Variants in UST observed in about 807,000 individuals in gnomAD.
UST encodes the protein uronyl 2-sulfotransferase.
UST carries 21 observed loss-of-function variants against 45.6 expected under a neutral mutation model. That is an observed-to-expected ratio of 0.46 (90% confidence interval 0.33 to 0.66). The LOEUF (loss-of-function observed/expected upper bound fraction) is 0.66. Among genes scored for constraint, UST ranks in the 30% least tolerant of loss-of-function variants. UST has a pLI of 0.02. For missense variants in UST, 463 were observed against 512.4 expected (o/e 0.90, Z 0.93); for synonymous variants, 215 against 200.6 (o/e 1.07, Z -0.61).
intron 1 of UST, among the ~76,000 whole-genome samples, chr6:148,774,975 G>A (rs1402060196): frequency 1.3e-5 from 2 of 151,854 alleles, no homozygotes; most frequent in East Asian, 1.9e-4. Flanking sequence ...CCGAGATTAC[G>A]CCACTACACT....
chr6:149,005,284 C>T (rs1442881599), intron 5 of UST: 5 of 985,326 alleles, frequency 5.1e-6, no homozygotes, highest in African/African-American at 1.7e-5. Flanking sequence ...CTCCTTACAT[C>T]CCTCTCTTCT....
At chr6:149,056,117 C>CTTTTCTTTTTTTTTTTTT (rs1562341621) in intron 7 of UST, among the ~76,000 whole-genome samples, 4 of 81,090 alleles carry the variant, frequency 4.9e-5, no homozygotes, top group Non-Finnish European at 9.3e-5. Context: ...CTTTTCTTTT[C>CTTTTCTTTTTTTTTTTTT]TTTTTTTTTT....
chr6:149,048,715 A>G (rs1301463614), intron 7 of UST, among the ~76,000 whole-genome samples: 1 of 152,262 alleles, frequency 6.6e-6, no homozygotes, highest in Non-Finnish European at 1.5e-5. Context: ...CTAACAGAAA[A>G]CAATGGAGAA....
intron 2 of UST, among the ~76,000 whole-genome samples, chr6:148,913,444 T>TTTTTG: frequency 6.7e-6 from 1 of 149,022 alleles, no homozygotes; most frequent in Non-Finnish European, 1.5e-5. Flanking sequence ...TTTTTTTTTT[T>TTTTTG]TTTTGAGGAT....
intron 5 of UST, among the ~76,000 whole-genome samples, chr6:149,012,014 T>C (rs1775820033): frequency 6.6e-6 from 1 of 152,204 alleles, no homozygotes; most frequent in South Asian, 2.1e-4. Context: ...AGAAGTAGTG[T>C]AAAGGACCAG....
Position 148,781,655 on chromosome 6 carries a change from A to G in UST, c.247+33978A>G, listed in dbSNP as rs572712207. 3.3e-5 allele frequency among the ~76,000 whole-genome samples: 5 copies of G among 152,330 alleles called. No individual in the cohort carries two copies. The South Asian group carries it at 1.0e-3, about 32-fold the overall frequency. ...CAGCTTTCTATAGGAAGAAGATGCC[A>G]TCTAGGACTCTAGTTACAGAGGAGA... is the stretch of plus-strand genomic sequence containing the variant. On this transcript the variant is annotated intron_variant, in intron 1 of 7. Transcript: ENST00000367463.
chr6:148,761,362 T>C (rs1776215154), intron 1 of UST, among the ~76,000 whole-genome samples: 2 of 152,200 alleles, frequency 1.3e-5, no homozygotes, highest in Admixed American at 6.5e-5. Flanking sequence ...GAGAAGGAAC[T>C]GCTGTGGTGC....
At chr6:148,863,922 G>A (rs1269390966) in intron 1 of UST, among the ~76,000 whole-genome samples, 1 of 152,314 alleles carries the variant, frequency 6.6e-6, no homozygotes, top group Non-Finnish European at 1.5e-5. Context: ...CTACTGGGAG[G>A]TGTCTCCCAG....
chr6:149,044,667 G>C (rs370461305), intron 7 of UST, among the ~76,000 whole-genome samples: 1 of 152,198 alleles, frequency 6.6e-6, no homozygotes, highest in African/African-American at 2.4e-5. Flanking sequence ...AATGGCGTCT[G>C]CTGCATGCCT....
At chr6:148,902,884 T>C (rs920114033) in intron 2 of UST, among the ~76,000 whole-genome samples, 1 of 152,192 alleles carries the variant, frequency 6.6e-6, no homozygotes, top group Non-Finnish European at 1.5e-5. Flanking sequence ...ATATGTTTCA[T>C]TTACAAGAGC....
At chr6:149,002,065 CTCAG>C (rs1304119277) in intron 5 of UST, among the ~76,000 whole-genome samples, 1 of 151,956 alleles carries the variant, frequency 6.6e-6, no homozygotes, top group Non-Finnish European at 1.5e-5. Flanking sequence ...CTCAGACTCT[CTCAG>C]TAATGAAAGT....
At chr6:148,941,182 T>G (rs191554925) in intron 2 of UST, 97 bp from the exon 3 acceptor site, 2 of 1,447,314 alleles carry the variant, frequency 1.4e-6, no homozygotes, top group African/African-American at 2.8e-5. Context: ...TCACTCAGAT[T>G]TATTATATGA....
intron 3 of UST, among the ~76,000 whole-genome samples, chr6:148,948,910 G>A (rs1371762715): frequency 1.3e-5 from 2 of 151,984 alleles, no homozygotes; most frequent in African/African-American, 4.8e-5. Context: ...TTTCAATCCT[G>A]GCTTTACCTC....
chr6:148,833,461 T>C (rs1424747140), intron 1 of UST, among the ~76,000 whole-genome samples: 3 of 152,176 alleles, frequency 2.0e-5, no homozygotes, highest in African/African-American at 7.2e-5. Context: ...CACTCCAGCC[T>C]GGGTGAAAGA....
chr6:148,796,005 G>C (rs1376692796), intron 1 of UST, among the ~76,000 whole-genome samples: 1 of 152,140 alleles, frequency 6.6e-6, no homozygotes, highest in Non-Finnish European at 1.5e-5. Flanking sequence ...AGTAACTGTG[G>C]TTTAATCACT....
chr6:148,852,378 C>T (rs1005394673), intron 1 of UST, among the ~76,000 whole-genome samples: 1 of 152,106 alleles, frequency 6.6e-6, no homozygotes, highest in African/African-American at 2.4e-5. Flanking sequence ...TGCTGCGTGC[C>T]CTGGATCTGG....
intron 1 of UST, among the ~76,000 whole-genome samples, chr6:148,775,123 T>G (rs747862148): frequency 7.1e-4 from 108 of 152,316 alleles, no homozygotes; most frequent in Non-Finnish European, 1.2e-3. Context: ...GAGAATATCT[T>G]AAACATACAT....
intron 3 of UST, among the ~76,000 whole-genome samples, chr6:148,948,072 A>T (rs1253387461): frequency 1.3e-5 from 2 of 151,954 alleles, no homozygotes; most frequent in Admixed American, 1.3e-4. Flanking sequence ...CCCCTGGTGG[A>T]CTTCTTCTTC....
intron 5 of UST, among the ~76,000 whole-genome samples, chr6:148,966,734 G>A (rs1404370699): frequency 6.6e-6 from 1 of 152,074 alleles, no homozygotes; most frequent in Non-Finnish European, 1.5e-5. Context: ...GTTTCCATTT[G>A]TTCGTTTTTG....
Sources: allele counts gnomAD v4.1 joint callset (sites outside exome capture counted in the v4.1 genomes callset), GRCh38; gene constraint gnomAD v4.1.1; transcripts MANE v1.5; gene names NCBI Gene and HGNC (gene_info 2026-07-23, HGNC 2026-07-21).